CTNNA2: variants seen among roughly 807,000 people sequenced by gnomAD.
CTNNA2 encodes the protein catenin alpha-2.
In CTNNA2, 42 loss-of-function variants were observed where a neutral mutation model predicts 101.0. The ratio of observed to expected loss-of-function variants is 0.42; its 90% CI spans 0.32 to 0.54. The LOEUF (loss-of-function observed/expected upper bound fraction) is 0.54. Among genes scored for constraint, CTNNA2 ranks in the 20% least tolerant of loss-of-function variants. The pLI, the probability that CTNNA2 is intolerant of heterozygous loss-of-function variation, is 0.14. For synonymous variants in CTNNA2, 450 were observed against 456.4 expected, an observed-to-expected ratio of 0.99 and a Z score of 0.18; for missense variants, 871 against 1,223.1, an observed-to-expected ratio of 0.71 and a Z score of 4.29.
chr2:79,563,767 A>T lies in CTNNA2; in HGVS notation c.-6+50560A>T, dbSNP rs533032861. 1.5e-3 allele frequency among the ~76,000 whole-genome samples: 226 copies of T among 152,312 alleles called. 1 individual carries two copies. The highest frequency in any genetic ancestry group is 2.5e-3 in the Admixed American group (38 of 15,286). The stretch of plus-strand genomic sequence containing the variant: ...TAATTATGTTATGTGGAACTTACCA[A>T]GTATACTAGTGCAGCATGTATTTAG... On this transcript the variant is annotated intron_variant, in intron 1 of 18. Coordinates refer to ENST00000402739, the MANE Select transcript of CTNNA2 (RefSeq NM_001282597.3).
At chr2:79,867,332 A>AG (rs1682191987) in intron 4 of CTNNA2, among the ~76,000 whole-genome samples, 1 of 58,952 alleles carries the variant, frequency 1.7e-5, no homozygotes, top group Non-Finnish European at 3.7e-5. Context: ...TCCCTTCAAT[A>AG]TTCTATCTAT....
intron 9 of CTNNA2, among the ~76,000 whole-genome samples, chr2:80,518,169 C>T (rs1264759088): frequency 6.6e-6 from 1 of 152,190 alleles, no homozygotes; most frequent in East Asian, 1.9e-4. Context: ...GGTGATTCTT[C>T]AAGCATATTT....
rs1463876227 is a variant in CTNNA2, at chr2:80,034,362, T to TC, written c.1056+124565_1056+124566insC. Among the ~76,000 whole-genome samples the TC allele has an allele frequency of 2.7e-5, 4 of 149,634 alleles. No individual in the cohort carries two copies. In the South Asian group the frequency reaches 8.5e-4, roughly 32 times the overall value. Reference sequence around the variant, plus strand: ...GAATTTCATTTTTTTTTCTTTTTTTTTTTTTTTTTGATACGGAGTCTCGCT... The same window carrying TC: ...GAATTTCATTTTTTTTTCTTTTTTTTCTTTTTTTTTGATACGGAGTCTCGCT... On this transcript the variant is annotated intron_variant, in intron 7 of 18. Transcript: ENST00000402739.
chr2:80,487,519 G>T (rs898150933), intron 9 of CTNNA2, among the ~76,000 whole-genome samples: 1 of 151,966 alleles, frequency 6.6e-6, no homozygotes, highest in Non-Finnish European at 1.5e-5. Flanking sequence ...CAAGCAAAAG[G>T]GGAAAAGCCC....
chr2:80,626,393 G>C (rs1275924849), intron 18 of CTNNA2, among the ~76,000 whole-genome samples: 1 of 152,040 alleles, frequency 6.6e-6, no homozygotes, highest in Non-Finnish European at 1.5e-5. Flanking sequence ...AAGAAGAGGT[G>C]AGAGGGTTAA....
intron 4 of CTNNA2, among the ~76,000 whole-genome samples, chr2:79,392,520 C>T (rs1364612301): frequency 2.0e-5 from 3 of 152,254 alleles, no homozygotes; most frequent in Middle Eastern, 3.4e-3. Context: ...CCTTATGAGT[C>T]GTTTTCATCA....
At chr2:80,104,227 T>C (rs1251292621) in intron 7 of CTNNA2, among the ~76,000 whole-genome samples, 1 of 152,254 alleles carries the variant, frequency 6.6e-6, no homozygotes, top group Admixed American at 6.5e-5. Flanking sequence ...ACTCGAATCC[T>C]GCCCTTGCTA....
intron 2 of CTNNA2, among the ~76,000 whole-genome samples, chr2:79,710,676 C>T (rs1332744875): frequency 2.6e-5 from 4 of 152,080 alleles, no homozygotes; most frequent in Non-Finnish European, 4.4e-5. Context: ...AGCCAATCAG[C>T]TTTCAAACCT....
intron 2 of CTNNA2, among the ~76,000 whole-genome samples, chr2:79,296,351 GT>G (rs1379988057): frequency 3.3e-5 from 5 of 152,058 alleles, no homozygotes; most frequent in Non-Finnish European, 7.4e-5. Flanking sequence ...TTTTCAAAGA[GT>G]TTTTGTCTAC....
chr2:80,630,168 C>T (rs1234540973), intron 18 of CTNNA2, among the ~76,000 whole-genome samples: 1 of 152,102 alleles, frequency 6.6e-6, no homozygotes, highest in Non-Finnish European at 1.5e-5. Context: ...TTTCTATTCC[C>T]AACGGTAATT....
At chr2:79,480,836 G>A (rs549075618) in intron 4 of CTNNA2, among the ~76,000 whole-genome samples, 43 of 151,980 alleles carry the variant, frequency 2.8e-4, no homozygotes, top group African/African-American at 5.5e-4. Context: ...AACGTTTTCC[G>A]TGGTTTGCAT....
chr2:79,299,577 C>T (rs1195319481), intron 2 of CTNNA2, among the ~76,000 whole-genome samples: 3 of 152,112 alleles, frequency 2.0e-5, no homozygotes, highest in Non-Finnish European at 2.9e-5. Context: ...ATAAATTGTC[C>T]CTGCTTTTAT....
At chr2:80,260,080 C>G (rs552534191) in intron 7 of CTNNA2, among the ~76,000 whole-genome samples, 1 of 152,146 alleles carries the variant, frequency 6.6e-6, no homozygotes, top group South Asian at 2.1e-4. Context: ...ACCATTATTA[C>G]TCCATTATTT....
intron 7 of CTNNA2, among the ~76,000 whole-genome samples, chr2:80,030,231 TAA>T (rs199886453): frequency 1.9e-4 from 26 of 137,860 alleles, no homozygotes; most frequent in African/African-American, 3.6e-4. Flanking sequence ...GAATTATTGT[TAA>T]AAAAAAAAAA....
intron 7 of CTNNA2, among the ~76,000 whole-genome samples, chr2:80,118,825 T>A (rs2148874259): frequency 6.6e-6 from 1 of 152,370 alleles, no homozygotes; most frequent in Non-Finnish European, 1.5e-5. Context: ...GCAGCTTGTC[T>A]GCTGCAGAAG....
At chr2:79,833,139 A>C (rs1191475242) in intron 3 of CTNNA2, among the ~76,000 whole-genome samples, 1 of 152,214 alleles carries the variant, frequency 6.6e-6, no homozygotes, top group Non-Finnish European at 1.5e-5. Context: ...TTTCCTCAAA[A>C]GCTCAATATT....
intron 1 of CTNNA2, among the ~76,000 whole-genome samples, chr2:79,599,462 A>G (rs1558761712): frequency 6.6e-6 from 1 of 152,170 alleles, no homozygotes; most frequent in Non-Finnish European, 1.5e-5. Context: ...ACAGAACTAA[A>G]TTTATTTTAT....
intron 2 of CTNNA2, among the ~76,000 whole-genome samples, chr2:79,230,592 C>A (rs559081287): frequency 6.6e-6 from 1 of 152,322 alleles, no homozygotes; most frequent in East Asian, 1.9e-4. Flanking sequence ...GATTGAAGCC[C>A]CCACACAGAG....
chr2:79,739,086 CT>C, intron 2 of CTNNA2, among the ~76,000 whole-genome samples: 1 of 102,240 alleles, frequency 9.8e-6, no homozygotes, highest in East Asian at 3.2e-4. Flanking sequence ...TTTTTTTTTT[CT>C]TTTTTTTCCA....
Sources: allele counts gnomAD v4.1 joint callset (sites outside exome capture counted in the v4.1 genomes callset), GRCh38; gene constraint gnomAD v4.1.1; transcripts MANE v1.5; gene names NCBI Gene and HGNC (gene_info 2026-07-23, HGNC 2026-07-21).